NUGGC: variants seen among roughly 807,000 people sequenced by gnomAD.
NUGGC encodes the protein nuclear GTPase, germinal center associated, also known as nuclear GTPase SLIP-GC.
Under a neutral mutation model 92.6 loss-of-function variants are expected in NUGGC, and 58 were observed. That is an observed-to-expected ratio of 0.63 (90% CI 0.51 to 0.78). The LOEUF is 0.78. Ranked by LOEUF, NUGGC falls within the 30% of genes least tolerant of loss-of-function variation. The pLI, the probability that NUGGC is intolerant of heterozygous loss-of-function variation, is 0.00. For synonymous variants in NUGGC, 376 were observed against 366.4 expected (o/e 1.03, Z -0.30); for missense variants, 925 against 964.6 (o/e 0.96, Z 0.54).
chr8:28,028,825 A>T (rs1809336963), intron 17 of NUGGC, among the ~76,000 whole-genome samples: 1 of 152,220 alleles, frequency 6.6e-6, no homozygotes, highest in Non-Finnish European at 1.5e-5. Flanking sequence ...TGTAGACAAG[A>T]CATCTCCCTA....
intron 13 of NUGGC, among the ~76,000 whole-genome samples, chr8:28,038,970 T>G (rs955063600): frequency 2.6e-5 from 4 of 152,142 alleles, no homozygotes; most frequent in Non-Finnish European, 2.9e-5. Flanking sequence ...GTCAGCATTT[T>G]GCTCACATTT....
intron 8 of NUGGC, among the ~76,000 whole-genome samples, chr8:28,059,580 G>A (rs1810240041): frequency 6.6e-6 from 1 of 152,142 alleles, no homozygotes; most frequent in Non-Finnish European, 1.5e-5. Flanking sequence ...CCTAGGTGAT[G>A]GGTTGATCTG....
intron 7 of NUGGC, among the ~76,000 whole-genome samples, chr8:28,063,749 C>T (rs1354923758): frequency 6.6e-6 from 1 of 152,202 alleles, no homozygotes; most frequent in Non-Finnish European, 1.5e-5. Flanking sequence ...GCTCCCCTGG[C>T]ACAATCATTC....
intron 1 of NUGGC, among the ~76,000 whole-genome samples, chr8:28,082,442 C>A (rs567148790): frequency 1.3e-5 from 2 of 152,338 alleles, no homozygotes; most frequent in African/African-American, 4.8e-5. Flanking sequence ...ATGACACTTC[C>A]CTCCTTATCA....
At chr8:28,036,800 C>T (rs1340792941) in intron 13 of NUGGC, among the ~76,000 whole-genome samples, 2 of 152,196 alleles carry the variant, frequency 1.3e-5, no homozygotes, top group African/African-American at 4.8e-5. Flanking sequence ...TGAGATCTTG[C>T]CATGTCTCAT....
At chr8:28,029,224 A>G (rs1166921615) in intron 17 of NUGGC, 42 bp downstream of exon 17, 2 of 1,579,276 alleles carry the variant, frequency 1.3e-6, no homozygotes, top group South Asian at 2.3e-5. Flanking sequence ...CCTCCCCCGG[A>G]GCCTCTCGGG....
chr8:28,055,268 T>C (rs1810104002), intron 10 of NUGGC, among the ~76,000 whole-genome samples: 1 of 151,856 alleles, frequency 6.6e-6, no homozygotes, highest in African/African-American at 2.4e-5. Flanking sequence ...ATAATAATAA[T>C]AAAATAAAAT....
Position 28,023,371 on chromosome 8 carries a change from T to A in NUGGC, c.2337A>T (p.Glu779Asp). ...ENARLRKGMQ[E>D]FLLRASPSKA... Reference sequence around the variant, plus strand: ...TGCTGGGGGATGCCCTTAGGAGGAATTCTTGCATGCCCTTCCTCAGCCGTG... The same window carrying A: ...TGCTGGGGGATGCCCTTAGGAGGAAATCTTGCATGCCCTTCCTCAGCCGTG... The change falls in exon 19 of 19, where the codon GAA becomes GAT. Residue 779 changes from glutamate (E) to aspartate (D), a missense_variant. Glu to Asp is a conservative substitution (Grantham distance 45, BLOSUM62 2). Coordinates refer to ENST00000413272, the MANE Select transcript of NUGGC (RefSeq NM_001010906.2). 6.2e-7 allele frequency: 1 copy of A among 1,613,962 alleles called. No homozygotes were observed. The highest frequency in any genetic ancestry group is 8.5e-7 in the Non-Finnish European group (1 of 1,179,870).
At position 28,064,612 on chromosome 8, in the gene NUGGC, G is replaced by T. The variant is rs1810390983; in HGVS notation, c.831C>A (p.Pro277=). 6.2e-7 allele frequency: 1 copy of T among 1,613,896 alleles called. No individual in the cohort carries two copies. Among genetic ancestry groups the T allele is most frequent in the African/African-American group, 1.3e-5 (1 of 74,934 alleles). Residue 277 remains proline (P), a synonymous_variant, in exon 7 of 19, where the codon CCC becomes CCA. Coordinates refer to ENST00000413272, the MANE Select transcript of NUGGC (RefSeq NM_001010906.2). ...CCCCTTCTGGGATCAGGTCGGATTT[G>T]GGAAGTGTCACTTCCACATGTTTGA... is the stretch of plus-strand genomic sequence containing the variant. The part of the protein sequence containing the change: ...PLIKHVEVTL[P]KSDLIPEGVV...
chr8:28,029,428 C>T (rs1809356188), intron 16 of NUGGC, 26 bp from the exon 17 acceptor site: 16 of 1,610,292 alleles, frequency 9.9e-6, no homozygotes, highest in Non-Finnish European at 1.4e-5. Flanking sequence ...GCCACAGTCA[C>T]ACCAAGACAA....
At chr8:28,071,811 A>G (rs1417911912) in intron 2 of NUGGC, among the ~76,000 whole-genome samples, 1 of 152,170 alleles carries the variant, frequency 6.6e-6, no homozygotes, top group African/African-American at 2.4e-5. Flanking sequence ...GCTGGCCTGC[A>G]CCTTAGAAAA....
intron 1 of NUGGC, among the ~76,000 whole-genome samples, chr8:28,081,464 T>C (rs556893957): frequency 6.6e-5 from 10 of 152,334 alleles, no homozygotes; most frequent in Non-Finnish European, 1.0e-4. Flanking sequence ...TCAGTACTAG[T>C]GTCATCCAGG....
At chr8:28,074,688 C>G (rs1054272403) in intron 1 of NUGGC, among the ~76,000 whole-genome samples, 4 of 152,224 alleles carry the variant, frequency 2.6e-5, no homozygotes, top group Admixed American at 2.0e-4. Flanking sequence ...CCTGTAATCC[C>G]AGCTCTTTGG....
intron 9 of NUGGC, among the ~76,000 whole-genome samples, chr8:28,057,382 C>T (rs548390317): frequency 1.5e-5 from 2 of 135,688 alleles, no homozygotes; most frequent in Non-Finnish European, 3.0e-5. Flanking sequence ...CTCACTGTTG[C>T]TCAGGCTGGA....
At chr8:28,060,970 C>T (rs17487214) in intron 7 of NUGGC, among the ~76,000 whole-genome samples, 4,022 of 152,258 alleles carry the variant, frequency 0.026, 73 homozygotes, top group Non-Finnish European at 0.04. Context: ...CTGCACCTTT[C>T]CTCTTGGGAT....
chr8:28,068,244 T>C lies in NUGGC; in HGVS notation c.452A>G (p.Glu151Gly), dbSNP rs998778717. ...QVSSGCCVQY[E>G]AKIHLLSDQE... ...GTCAGACAGAAGGTGGATTTTGGCCTCATACTGCACACAGCAGCCAGAGCT... is the reference window on the plus strand; with the variant it reads ...GTCAGACAGAAGGTGGATTTTGGCCCCATACTGCACACAGCAGCCAGAGCT... Residue 151 changes from glutamate to glycine, a missense_variant, in exon 5 of 19, where the codon GAG becomes GGG. Coordinates refer to ENST00000413272, the MANE Select transcript of NUGGC (RefSeq NM_001010906.2). 6.5e-7 allele frequency: 1 copy of C among 1,550,190 alleles called. No individual in the cohort carries two copies. Among genetic ancestry groups the C allele is most frequent in the Non-Finnish European group, 8.7e-7 (1 of 1,146,836 alleles).
chr8:28,052,014 G>C (rs969578813), intron 10 of NUGGC, among the ~76,000 whole-genome samples: 3 of 152,124 alleles, frequency 2.0e-5, no homozygotes, highest in African/African-American at 7.2e-5. Flanking sequence ...TAACATACCA[G>C]GTAGTAAGAA....
At chr8:28,038,378 A>G (rs1240287738) in intron 13 of NUGGC, among the ~76,000 whole-genome samples, 2 of 152,032 alleles carry the variant, frequency 1.3e-5, no homozygotes, top group Non-Finnish European at 2.9e-5. Context: ...TTTGTTATAC[A>G]CTCTCTTTAT....
At chr8:28,025,155 G>A (rs1809224909) in intron 18 of NUGGC, among the ~76,000 whole-genome samples, 1 of 152,184 alleles carries the variant, frequency 6.6e-6, no homozygotes, top group Non-Finnish European at 1.5e-5. Flanking sequence ...AACACTGCCT[G>A]GCACCCAGGA....
Sources: gnomAD v4.1 joint callset for allele counts (sites outside exome capture counted in the v4.1 genomes callset) on GRCh38, gnomAD v4.1.1 for gene constraint, MANE v1.5 for transcripts, NCBI Gene and HGNC (gene_info 2026-07-23, HGNC 2026-07-21) for gene names.